CHRM3: variants seen among roughly 807,000 people sequenced by gnomAD.
CHRM3 encodes the protein muscarinic acetylcholine receptor M3.
Under a neutral mutation model 41.8 loss-of-function variants are expected in CHRM3, and 11 were observed. That is an observed-to-expected ratio of 0.26 (90% CI 0.17 to 0.44). CHRM3 has a LOEUF of 0.44. Ranked by LOEUF, CHRM3 falls within the 20% of genes least tolerant of loss-of-function variation. CHRM3 has a pLI of 1.00. For synonymous variants in CHRM3, 297 were observed against 301.4 expected, an observed-to-expected ratio of 0.99 and a Z score of 0.15; for missense variants, 571 against 745.4, an observed-to-expected ratio of 0.77 and a Z score of 2.72.
At chr1:239,825,200 T>C (rs990424246) in intron 5 of CHRM3, among the ~76,000 whole-genome samples, 7 of 152,208 alleles carry the variant, frequency 4.6e-5, no homozygotes, top group African/African-American at 1.7e-4. Context: ...TCATGGTCAT[T>C]CGTATTTTAT....
intron 3 of CHRM3, among the ~76,000 whole-genome samples, chr1:239,572,799 A>T (rs1461309079): frequency 6.6e-6 from 1 of 152,182 alleles, no homozygotes; most frequent in African/African-American, 2.4e-5. Context: ...TAAAGCGATT[A>T]TTTTTATTTC....
At chr1:239,709,530 G>A (rs1227162548) in intron 5 of CHRM3, among the ~76,000 whole-genome samples, 1 of 152,128 alleles carries the variant, frequency 6.6e-6, no homozygotes, top group Non-Finnish European at 1.5e-5. Flanking sequence ...CATGTTTCCA[G>A]CTAGGACAGT....
At chr1:239,489,003 A>T (rs1457446319) in intron 1 of CHRM3, among the ~76,000 whole-genome samples, 6 of 152,198 alleles carry the variant, frequency 3.9e-5, no homozygotes, top group Non-Finnish European at 7.3e-5. Context: ...AGCTATATTT[A>T]TATGCTACTT....
intron 4 of CHRM3, among the ~76,000 whole-genome samples, chr1:239,668,286 A>G (rs6672022): frequency 0.65 from 97,887 of 150,994 alleles, 32,063 homozygotes; most frequent in East Asian, 0.84. Flanking sequence ...ATGGGTTTTC[A>G]CCATGTTAGC....
intron 3 of CHRM3, among the ~76,000 whole-genome samples, chr1:239,585,888 A>G (rs937369868): frequency 6.6e-6 from 1 of 152,246 alleles, no homozygotes; most frequent in Non-Finnish European, 1.5e-5. Flanking sequence ...TTTTGCTTCA[A>G]CTAAAAAAGA....
In CHRM3 at chr1:239,606,892, A is replaced by G. The variant is rs181053338; in HGVS notation, c.-312-25332A>G. ...CCATCCAAAAACGTTATCACCACAT[A>G]CAAACCAGGCAGCACCCAAGACTTA... is the stretch of plus-strand genomic sequence containing the variant. On this transcript the variant is annotated intron_variant, in intron 3 of 6. Transcript: ENST00000676153. Among the ~76,000 whole-genome samples, 30 of 152,268 alleles carry G rather than the reference A, an allele frequency of 2.0e-4. No individual in the cohort carries two copies. In the East Asian group the frequency reaches 3.5e-3, roughly 18 times the overall value.
intron 2 of CHRM3, among the ~76,000 whole-genome samples, chr1:239,510,826 G>A (rs759332495): frequency 3.3e-5 from 5 of 151,972 alleles, no homozygotes; most frequent in African/African-American, 4.8e-5. Flanking sequence ...ATCAACCACC[G>A]CGGCCGGCCC....
intron 1 of CHRM3, among the ~76,000 whole-genome samples, chr1:239,416,035 TC>T (rs1661476094): frequency 3.3e-5 from 5 of 152,190 alleles, no homozygotes; most frequent in Admixed American, 3.3e-4. Context: ...TATTCACTGT[TC>T]AGAGAAATAA....
intron 4 of CHRM3, among the ~76,000 whole-genome samples, chr1:239,657,017 C>T (rs944872878): frequency 2.2e-4 from 33 of 152,144 alleles, no homozygotes; most frequent in African/African-American, 7.7e-4. Flanking sequence ...TTGCTGTCAA[C>T]ATTTTTAAGA....
chr1:239,595,443 A>G (rs1022156443), intron 3 of CHRM3, among the ~76,000 whole-genome samples: 3 of 152,162 alleles, frequency 2.0e-5, no homozygotes, highest in Admixed American at 6.5e-5. Flanking sequence ...ATATTGACAT[A>G]TTCAACTAGA....
chr1:239,573,541 G>A (rs1208129525), intron 3 of CHRM3, among the ~76,000 whole-genome samples: 1 of 152,072 alleles, frequency 6.6e-6, no homozygotes, highest in Non-Finnish European at 1.5e-5. Context: ...GTTCTATTTA[G>A]TGTGCATAGC....
chr1:239,620,787 G>C (rs1278331434), intron 3 of CHRM3, among the ~76,000 whole-genome samples: 1 of 152,042 alleles, frequency 6.6e-6, no homozygotes. Flanking sequence ...CCATGCTGAG[G>C]TGGATTCACT....
intron 5 of CHRM3, among the ~76,000 whole-genome samples, chr1:239,771,142 C>T (rs904403562): frequency 6.6e-6 from 1 of 151,934 alleles, no homozygotes; most frequent in African/African-American, 2.4e-5. Flanking sequence ...TTTCACATTT[C>T]AGATGATGCT....
At chr1:239,603,486 T>A (rs1435507146) in intron 3 of CHRM3, among the ~76,000 whole-genome samples, 2 of 152,114 alleles carry the variant, frequency 1.3e-5, no homozygotes, top group Non-Finnish European at 1.5e-5. Context: ...TGTTCTCACC[T>A]GGGGATGGTG....
chr1:239,591,920 T>C (rs1053635350), intron 3 of CHRM3, among the ~76,000 whole-genome samples: 2 of 152,214 alleles, frequency 1.3e-5, no homozygotes, highest in African/African-American at 4.8e-5. Context: ...AGACATTTGG[T>C]TGGCTTAGGC....
chr1:239,412,240 CTTTTTTTTTTGTCGTT>C (rs1558203398), intron 1 of CHRM3, among the ~76,000 whole-genome samples: 9 of 114,676 alleles, frequency 7.8e-5, no homozygotes, highest in East Asian at 2.9e-4. Context: ...CTTTCTTTTT[CTTTTTTTTTTGTCGTT>C]CTCCTTCATT....
chr1:239,531,546 T>C (rs1670402464), intron 2 of CHRM3, among the ~76,000 whole-genome samples: 2 of 151,416 alleles, frequency 1.3e-5, no homozygotes, highest in Non-Finnish European at 2.9e-5. Context: ...AAAGGAGTTA[T>C]GAATTAAGTG....
rs1003974002 is a variant in CHRM3, at chr1:239,578,208, C to T, written c.-313+32459C>T. Among the ~76,000 whole-genome samples the T allele has an allele frequency of 2.3e-4, 35 of 152,268 alleles. 1 individual carries two copies. The highest frequency in any genetic ancestry group is 7.9e-4 in the African/African-American group (33 of 41,554). On this transcript the variant is annotated intron_variant, in intron 3 of 6. Coordinates refer to ENST00000676153, the MANE Select transcript of CHRM3 (RefSeq NM_001375978.1). ...AGTCAGTTTTGATAATTTATAACTC[C>T]ATCTGTGTGTGCAGTTATATTAAAT... is the stretch of plus-strand genomic sequence containing the variant.
Position 239,507,510 on chromosome 1 carries a change from G to T in CHRM3, c.-422+14703G>T, listed in dbSNP as rs1422284602. On this transcript the variant is annotated intron_variant, in intron 2 of 6. Transcript: ENST00000676153. ...AATAAACTTCTTTCTTTTGTAAATTGCCTCATCTCAGTTATGTCCTTAGCA... is the reference window on the plus strand; with the variant it reads ...AATAAACTTCTTTCTTTTGTAAATTTCCTCATCTCAGTTATGTCCTTAGCA... Among the ~76,000 whole-genome samples, 4 of 152,120 alleles carry T rather than the reference G, an allele frequency of 2.6e-5. No individual in the cohort carries two copies. In the East Asian group the frequency reaches 7.7e-4, roughly 29 times the overall value.
Sources: allele counts gnomAD v4.1 joint callset (sites outside exome capture counted in the v4.1 genomes callset), GRCh38; gene constraint gnomAD v4.1.1; transcripts MANE v1.5; gene names NCBI Gene and HGNC (gene_info 2026-07-23, HGNC 2026-07-21).